Variants in PDE3B observed in about 807,000 individuals in gnomAD.
PDE3B encodes cGMP-inhibited 3',5'-cyclic phosphodiesterase 3B.
In PDE3B, 66 loss-of-function variants were observed where a neutral mutation model predicts 116.8. The observed-to-expected ratio is 0.56, with a 90% CI of 0.46 to 0.69. PDE3B has a LOEUF of 0.69. PDE3B is among the 30% of genes least tolerant of loss of function. The probability of loss-of-function intolerance (pLI) is 0.00; values close to 1 mark genes in which losing one functional copy is unlikely to be tolerated. For synonymous variants in PDE3B, 595 were observed against 533.6 expected, an observed-to-expected ratio of 1.12 and a Z score of -1.59; for missense variants, 1,384 against 1,368.1, an observed-to-expected ratio of 1.01 and a Z score of -0.18.
intron 11 of PDE3B, 113 bp from the exon 12 acceptor site, chr11:14,843,714 A>G: frequency 2.6e-6 from 2 of 769,034 alleles, no homozygotes; most frequent in Non-Finnish European, 4.4e-6. Flanking sequence ...GTTCTTACTT[A>G]AATCAGCAAA....
At chr11:14,866,213 AAT>A (rs1369015273) in intron 14 of PDE3B, among the ~76,000 whole-genome samples, 6 of 152,216 alleles carry the variant, frequency 3.9e-5, no homozygotes, top group African/African-American at 1.2e-4. Flanking sequence ...CACTAAAAAC[AAT>A]ATGTTATCTC....
At position 14,663,056 on chromosome 11, in the gene PDE3B, G is replaced by A. The variant is rs574223969; in HGVS notation, c.978+18003G>A. On this transcript the variant is annotated intron_variant, in intron 1 of 15. Transcript: ENST00000282096. Reference sequence around the variant, plus strand: ...GGAAAAAATGTTAAGGGCAGCCAGAGAGAAAGGTCGGGTTACCCACAAAGG... The same window carrying A: ...GGAAAAAATGTTAAGGGCAGCCAGAAAGAAAGGTCGGGTTACCCACAAAGG... 5.1e-3 allele frequency among the ~76,000 whole-genome samples: 769 copies of A among 152,160 alleles called. 5 individuals carry two copies. The highest frequency in any genetic ancestry group is 8.5e-3 in the Non-Finnish European group (575 of 68,004).
intron 11 of PDE3B, among the ~76,000 whole-genome samples, chr11:14,837,496 C>A (rs1002895014): frequency 6.6e-6 from 1 of 152,214 alleles, no homozygotes; most frequent in Non-Finnish European, 1.5e-5. Flanking sequence ...CCTAATTCAG[C>A]CAAATTTTCT....
intron 5 of PDE3B, among the ~76,000 whole-genome samples, chr11:14,806,897 T>TGG (rs1308576943): frequency 6.7e-6 from 1 of 148,920 alleles, no homozygotes; most frequent in East Asian, 1.9e-4. Context: ...AAAGAAAATG[T>TGG]GGCACATATA....
At chr11:14,674,377 C>T (rs1854468038) in intron 1 of PDE3B, 2 of 709,976 alleles carry the variant, frequency 2.8e-6, no homozygotes, top group Admixed American at 1.9e-5. Flanking sequence ...GAGTACTCTG[C>T]TCTCTGGAAC....
intron 1 of PDE3B, among the ~76,000 whole-genome samples, chr11:14,665,920 T>G (rs1272604536): frequency 6.6e-6 from 1 of 152,122 alleles, no homozygotes; most frequent in African/African-American, 2.4e-5. Flanking sequence ...TTCACAGAAT[T>G]GGAAAAAGCT....
At chr11:14,828,057 C>T (rs1383549460) in intron 7 of PDE3B, among the ~76,000 whole-genome samples, 1 of 151,906 alleles carries the variant, frequency 6.6e-6, no homozygotes, top group Admixed American at 6.6e-5. Context: ...AAAAACAAGC[C>T]CATTAATGGG....
At chr11:14,681,941 TG>T (rs1854722870) in intron 1 of PDE3B, among the ~76,000 whole-genome samples, 1 of 152,202 alleles carries the variant, frequency 6.6e-6, no homozygotes, top group Admixed American at 6.5e-5. Flanking sequence ...GATAGCCTGC[TG>T]TTGACTGGAA....
intron 7 of PDE3B, among the ~76,000 whole-genome samples, chr11:14,822,896 C>T (rs1329805139): frequency 6.6e-6 from 1 of 152,210 alleles, no homozygotes; most frequent in Non-Finnish European, 1.5e-5. Context: ...GTTGATGGAG[C>T]TCCCAGAGGG....
At chr11:14,744,986 T>C (rs1307044566) in intron 1 of PDE3B, among the ~76,000 whole-genome samples, 1 of 152,206 alleles carries the variant, frequency 6.6e-6, no homozygotes, top group East Asian at 1.9e-4. Context: ...ATAGCTTTTT[T>C]GTTTTTTTGT....
chr11:14,781,269 T>C (rs2133909509), intron 2 of PDE3B, among the ~76,000 whole-genome samples: 1 of 152,286 alleles, frequency 6.6e-6, no homozygotes, highest in African/African-American at 2.4e-5. Flanking sequence ...TCTGAAACTA[T>C]TCCAATCAAT....
chr11:14,644,900 T>C lies in PDE3B; in HGVS notation c.825T>C (p.His275=). ...TTCAAATCAGGGAAGCGCCTCTTCA[T>C]CCTCGACTGTCCAGTGCCGCCGAAG... ...HFFQIREAPL[H]PRLSSAAEEK... is the part of the protein sequence containing the mutation. Residue 275 remains histidine, a synonymous_variant, in exon 1 of 16, where the codon CAT becomes CAC. Coordinates refer to ENST00000282096, the MANE Select transcript of PDE3B (RefSeq NM_000922.4). The C allele has an allele frequency of 6.2e-7, 1 of 1,614,090 alleles. No individual in the cohort carries two copies. The highest frequency in any genetic ancestry group is 8.5e-7 in the Non-Finnish European group (1 of 1,180,008).
chr11:14,817,769 A>G (rs1163652304), intron 5 of PDE3B, among the ~76,000 whole-genome samples: 1 of 152,200 alleles, frequency 6.6e-6, no homozygotes, highest in African/African-American at 2.4e-5. Flanking sequence ...ATAAAATTTA[A>G]TTTTATTGAA....
rs545491814 is a variant in PDE3B at position 14,723,628 on chromosome 11, A to G, written c.979-48309A>G. Among the ~76,000 whole-genome samples the G allele has an allele frequency of 5.9e-5, 9 of 151,962 alleles. No homozygotes were observed. In the South Asian group the frequency reaches 1.5e-3, roughly 25 times the overall value. ...AAAAACCCATTAGCTGGGAATGATG[A>G]TGCACACCTCTAGTCCTAGCTACTC... On this transcript the variant is annotated intron_variant, in intron 1 of 15. Transcript: ENST00000282096.
rs185025760 is a variant in PDE3B, at chr11:14,804,258, G to A, written c.1522+208G>A. Among the ~76,000 whole-genome samples, 245 of 152,204 alleles carry A rather than the reference G, an allele frequency of 1.6e-3. 1 individual carries two copies. The highest frequency in any genetic ancestry group is 2.9e-3 in the Non-Finnish European group (200 of 68,008). On this transcript the variant is annotated intron_variant, in intron 5 of 15. Transcript: ENST00000282096. ...TTTTAGAACATCTACTCTGTACCAG[G>A]TATTTTGCTAAGCAGTAGGGATTCA...
chr11:14,787,706 A>G (rs1020708472), intron 3 of PDE3B, among the ~76,000 whole-genome samples: 13 of 151,854 alleles, frequency 8.6e-5, no homozygotes, highest in African/African-American at 3.1e-4. Context: ...ATTAATTAGT[A>G]CTTAGTTACA....
At chr11:14,748,950 G>A (rs1057179864) in intron 1 of PDE3B, among the ~76,000 whole-genome samples, 2 of 150,392 alleles carry the variant, frequency 1.3e-5, no homozygotes, top group African/African-American at 2.5e-5. Flanking sequence ...GTGCAGTGGC[G>A]CAGTCTTGGC....
chr11:14,794,109 C>T (rs1056081164), intron 4 of PDE3B, among the ~76,000 whole-genome samples: 2 of 152,038 alleles, frequency 1.3e-5, no homozygotes, highest in African/African-American at 4.8e-5. Context: ...GTCTCTTGTT[C>T]GTTTGCTTTT....
At chr11:14,837,998 A>G (rs1456928112) in intron 11 of PDE3B, among the ~76,000 whole-genome samples, 1 of 150,430 alleles carries the variant, frequency 6.6e-6, no homozygotes, top group Non-Finnish European at 1.5e-5. Context: ...TTTTTTTTTG[A>G]GACGGAGTCT....
Sources: gnomAD v4.1 joint callset for allele counts (sites outside exome capture counted in the v4.1 genomes callset) on GRCh38, gnomAD v4.1.1 for gene constraint, MANE v1.5 for transcripts, NCBI Gene and HGNC (gene_info 2026-07-23, HGNC 2026-07-21) for gene names.